The following ATF2 variants were observed in gnomAD, a reference collection of about 807,000 sequenced individuals.
ATF2 encodes the protein cyclic AMP-dependent transcription factor ATF-2.
Under a neutral mutation model 60.6 loss-of-function variants are expected in ATF2, and 24 were observed. The observed-to-expected ratio is 0.40, with a 90% CI of 0.29 to 0.56. The LOEUF is 0.56. Ranked by LOEUF, ATF2 falls within the 20% of genes least tolerant of loss-of-function variation. The pLI, the probability that ATF2 is intolerant of heterozygous loss-of-function variation, is 0.54. For synonymous variants in ATF2, 206 were observed against 215.4 expected (o/e 0.96, Z 0.38); for missense variants, 433 against 607.7 (o/e 0.71, Z 3.02).
chr2:175,084,934 A>G (rs996532999), intron 12 of ATF2, among the ~76,000 whole-genome samples: 1 of 152,202 alleles, frequency 6.6e-6, no homozygotes, highest in African/African-American at 2.4e-5. Flanking sequence ...TTCTATGTCT[A>G]GGAGGTAAAA....
intron 11 of ATF2, 132 bp from the exon 12 acceptor site, chr2:175,093,399 C>A: frequency 1.2e-6 from 1 of 864,312 alleles, no homozygotes; most frequent in Non-Finnish European, 1.7e-6. Context: ...TATGTTGGGG[C>A]AATATGAAAA....
intron 10 of ATF2, among the ~76,000 whole-genome samples, chr2:175,109,874 A>G (rs1696048289): frequency 6.6e-6 from 1 of 152,172 alleles, no homozygotes; most frequent in South Asian, 2.1e-4. Flanking sequence ...TGATGTGAAA[A>G]ATTTCCTCCT....
intron 11 of ATF2, 73 bp from the exon 12 acceptor site, chr2:175,093,340 T>G: frequency 6.9e-7 from 1 of 1,439,058 alleles, no homozygotes; most frequent in Non-Finnish European, 9.5e-7. Context: ...GTAAAGGGTG[T>G]CAAAGGGGGA....
chr2:175,142,510 ATGT>A (rs1376146256), intron 2 of ATF2, among the ~76,000 whole-genome samples: 1 of 152,122 alleles, frequency 6.6e-6, no homozygotes. Flanking sequence ...AAACATGTAT[ATGT>A]TCCTCGTATT....
chr2:175,077,365 A>G (rs906467922), intron 13 of ATF2, among the ~76,000 whole-genome samples: 2 of 152,178 alleles, frequency 1.3e-5, no homozygotes, highest in Non-Finnish European at 2.9e-5. Flanking sequence ...TCTCTGAGGA[A>G]TCGCCACACT....
intron 13 of ATF2, among the ~76,000 whole-genome samples, chr2:175,076,771 T>C (rs1402277326): frequency 6.6e-6 from 1 of 151,994 alleles, no homozygotes; most frequent in Non-Finnish European, 1.5e-5. Flanking sequence ...TATTTATATG[T>C]GATTTTTAAA....
chr2:175,083,423 C>G (rs1486615911), intron 12 of ATF2, among the ~76,000 whole-genome samples: 6 of 152,074 alleles, frequency 3.9e-5, no homozygotes, highest in Non-Finnish European at 7.4e-5. Flanking sequence ...ATAAATGGTG[C>G]TGGGAAAACT....
intron 2 of ATF2, among the ~76,000 whole-genome samples, chr2:175,138,115 T>C (rs1428095553): frequency 1.3e-5 from 2 of 152,206 alleles, no homozygotes; most frequent in Admixed American, 6.5e-5. Flanking sequence ...GGCAAGTAAC[T>C]ACAATCTATA....
chr2:175,110,009 TG>T (rs1317586437), intron 10 of ATF2, among the ~76,000 whole-genome samples: 1 of 152,228 alleles, frequency 6.6e-6, no homozygotes, highest in Non-Finnish European at 1.5e-5. Flanking sequence ...TGCAAATTTC[TG>T]ACTGATTGTC....
intron 1 of ATF2, among the ~76,000 whole-genome samples, chr2:175,151,493 A>AAATG (rs1379091218): frequency 6.6e-6 from 1 of 152,170 alleles, no homozygotes; most frequent in African/African-American, 2.4e-5. Context: ...AGTCATAGAT[A>AAATG]ACAGGTGAAA....
At chr2:175,128,731 CAA>C (rs1485432090) in intron 4 of ATF2, among the ~76,000 whole-genome samples, 1 of 151,970 alleles carries the variant, frequency 6.6e-6, no homozygotes, top group Non-Finnish European at 1.5e-5. Context: ...ATCTGCTCAT[CAA>C]AAGATATTAT....
chr2:175,126,151 T>TGATA (rs1697316744), intron 4 of ATF2, among the ~76,000 whole-genome samples: 1 of 152,228 alleles, frequency 6.6e-6, no homozygotes, highest in African/African-American at 2.4e-5. Flanking sequence ...AAATACTGAA[T>TGATA]TATCATCTTA....
intron 7 of ATF2, among the ~76,000 whole-genome samples, chr2:175,115,560 T>C (rs964777500): frequency 6.6e-6 from 1 of 152,164 alleles, no homozygotes; most frequent in Non-Finnish European, 1.5e-5. Flanking sequence ...TACCCAGAAC[T>C]CCTTAAATAG....
intron 2 of ATF2, among the ~76,000 whole-genome samples, chr2:175,137,576 G>A (rs1167003578): frequency 6.6e-6 from 1 of 152,124 alleles, no homozygotes; most frequent in Non-Finnish European, 1.5e-5. Context: ...CAGTCTAGAG[G>A]AAAGAGGAAT....
chr2:175,074,942 TGA>T, intron 13 of ATF2, 107 bp from the exon 14 acceptor site: 1 of 1,536,526 alleles, frequency 6.5e-7, no homozygotes, highest in Non-Finnish European at 8.7e-7. Context: ...CTTACAAAAC[TGA>T]TTAGACAAGT....
intron 10 of ATF2, among the ~76,000 whole-genome samples, chr2:175,110,277 G>C (rs1696081801): frequency 6.6e-6 from 1 of 152,132 alleles, no homozygotes; most frequent in Admixed American, 6.5e-5. Flanking sequence ...GGAGGTTGCA[G>C]TGAGCTGAGA....
At chr2:175,114,163 C>T (rs1171899798) in intron 8 of ATF2, 55 bp from the exon 9 acceptor site, 14 of 1,515,740 alleles carry the variant, frequency 9.2e-6, no homozygotes, top group Non-Finnish European at 1.2e-5. Flanking sequence ...CCAACTGTCT[C>T]TTAAAAATAC....
At chr2:175,137,613 G>C (rs772989084) in intron 2 of ATF2, among the ~76,000 whole-genome samples, 1 of 152,112 alleles carries the variant, frequency 6.6e-6, no homozygotes, top group Non-Finnish European at 1.5e-5. Context: ...CAATTAATTT[G>C]GTAGGAATAA....
intron 3 of ATF2, among the ~76,000 whole-genome samples, chr2:175,134,050 G>C (rs1043339123): frequency 6.6e-6 from 1 of 152,070 alleles, no homozygotes; most frequent in African/African-American, 2.4e-5. Context: ...AATATGTACA[G>C]TCAGCCCTCT....
Sources: allele counts gnomAD v4.1 joint callset (sites outside exome capture counted in the v4.1 genomes callset), GRCh38; gene constraint gnomAD v4.1.1; transcripts MANE v1.5; gene names NCBI Gene and HGNC (gene_info 2026-07-23, HGNC 2026-07-21).